SCN2A: variants seen among roughly 807,000 people sequenced by gnomAD.
SCN2A encodes the protein sodium channel protein type 2 subunit alpha.
In SCN2A, 20 loss-of-function variants were observed where a neutral mutation model predicts 188.7. That is an observed-to-expected ratio of 0.11 (90% CI 0.07 to 0.15). The LOEUF (loss-of-function observed/expected upper bound fraction) is 0.15, where lower values mean the gene tolerates loss of function less well. Ranked by LOEUF, SCN2A falls within the 10% of genes least tolerant of loss-of-function variation. The pLI is 1.00. For missense variants in SCN2A, 1,278 were observed against 2,445.0 expected (o/e 0.52, Z 10.07); for synonymous variants, 804 against 833.1 (o/e 0.97, Z 0.60).
chr2:165,276,349 C>CCATA lies in SCN2A; in HGVS notation c.-51-19423_-51-19420dup, dbSNP rs1695343181. Among the ~76,000 whole-genome samples, 3 of 152,108 alleles carry CCATA rather than the reference C, an allele frequency of 2.0e-5. No individual in the cohort carries two copies. The South Asian group carries it at 6.2e-4, about 32-fold the overall frequency. ...AAGAAGGAATTCCAAAGTTATTGGGCCATAGTACTTTTGTGTTAAGTGCCT... is the reference window on the plus strand; with the variant it reads ...AAGAAGGAATTCCAAAGTTATTGGGCCATACATAGTACTTTTGTGTTAAGTGCCT... On this transcript the variant is annotated intron_variant, in intron 1 of 26. Transcript: ENST00000375437.
chr2:165,367,597 A>G (rs1700795131), intron 19 of SCN2A, among the ~76,000 whole-genome samples: 1 of 152,202 alleles, frequency 6.6e-6, no homozygotes, highest in South Asian at 2.1e-4. Flanking sequence ...GGTTTCTTAT[A>G]ATGTTTAAAG....
At position 165,265,940 on chromosome 2, in the gene SCN2A, G is replaced by A. The variant is rs562660211; in HGVS notation, c.-52+26300G>A. ...GAGCTCAAGTGATCCTCCCTGCTCAGCCTCTGAGTAGCTGGGACCATAGGT... is the reference window on the plus strand; with the variant it reads ...GAGCTCAAGTGATCCTCCCTGCTCAACCTCTGAGTAGCTGGGACCATAGGT... On this transcript the variant is annotated intron_variant, in intron 1 of 26. Coordinates refer to ENST00000375437, the MANE Select transcript of SCN2A (RefSeq NM_001040142.2). Among the ~76,000 whole-genome samples the A allele has an allele frequency of 3.3e-5, 5 of 151,628 alleles. No homozygotes were observed. The South Asian group carries it at 1.0e-3, about 32-fold the overall frequency.
chr2:165,275,321 A>C (rs1695286216), intron 1 of SCN2A, among the ~76,000 whole-genome samples: 1 of 151,950 alleles, frequency 6.6e-6, no homozygotes, highest in East Asian at 1.9e-4. Flanking sequence ...CCCTATCTAA[A>C]ATTGCAATAC....
chr2:165,309,870 T>C (rs1449037937), intron 6 of SCN2A, among the ~76,000 whole-genome samples: 4 of 152,162 alleles, frequency 2.6e-5, no homozygotes, highest in Non-Finnish European at 4.4e-5. Flanking sequence ...CTTCCTTTTT[T>C]TAACCCATAC....
Position 165,345,018 on chromosome 2 carries a change from C to G in SCN2A, c.2919+107C>G, listed in dbSNP as rs915578632. On this transcript the variant is annotated intron_variant, in intron 16 of 26. Transcript: ENST00000375437. ...GTATTTTTTAAATCAAGGCCACTTCCTATTGTCTATTACTCATGACTGTAA... is the reference window on the plus strand; with the variant it reads ...GTATTTTTTAAATCAAGGCCACTTCGTATTGTCTATTACTCATGACTGTAA... The G allele has an allele frequency of 3.0e-6, 4 of 1,347,588 alleles. No individual in the cohort carries two copies. In the African/African-American group the frequency reaches 5.8e-5, roughly 20 times the overall value. 83.5% of individuals were successfully genotyped at this position (1,347,588 alleles called of 1,614,324 possible). A position where few individuals can be genotyped will look rare whatever the true frequency, so the allele number is the denominator to read the frequency against.
intron 1 of SCN2A, chr2:165,272,312 A>G (rs1231617067): frequency 1.3e-5 from 2 of 152,114 alleles, no homozygotes; most frequent in Non-Finnish European, 1.5e-5. Context: ...GTAACAAGGC[A>G]TGACAATCTT....
At position 165,306,498 on chromosome 2, in the gene SCN2A, G is replaced by A. The variant is rs371566266; in HGVS notation, c.387-1350G>A. 1.2e-4 allele frequency among the ~76,000 whole-genome samples: 17 copies of A among 139,468 alleles called. No homozygotes were observed. The East Asian group carries it at 1.6e-3, about 13-fold the overall frequency. 91.5% of individuals were successfully genotyped at this position (139,468 alleles called of 152,430 possible). The stretch of plus-strand genomic sequence containing the variant: ...AAGAAAAATTGTGTTTCTTTGAAAT[G>A]GTATTTTGTGTGTGTGTGTGTGTGT... On this transcript the variant is annotated intron_variant, in intron 3 of 26. Transcript: ENST00000375437.
At chr2:165,339,736 CA>C (rs1699206369) in intron 14 of SCN2A, among the ~76,000 whole-genome samples, 1 of 152,098 alleles carries the variant, frequency 6.6e-6, no homozygotes, top group Non-Finnish European at 1.5e-5. Flanking sequence ...TAATTCTACC[CA>C]AATGTATCTA....
chr2:165,311,678 T>C (rs1418136662), intron 7 of SCN2A, among the ~76,000 whole-genome samples: 1 of 152,104 alleles, frequency 6.6e-6, no homozygotes, highest in Non-Finnish European at 1.5e-5. Context: ...AAGGCTTTCT[T>C]CTTTCTTACT....
chr2:165,304,023 T>C (rs6432818), intron 3 of SCN2A, among the ~76,000 whole-genome samples: 121,833 of 151,996 alleles, frequency 0.8, 49,071 homozygotes, highest in Non-Finnish European at 0.84. Flanking sequence ...GCAGCATAAT[T>C]GCATAAGGCT....
intron 16 of SCN2A, among the ~76,000 whole-genome samples, 190 bp from the exon 17 acceptor site, chr2:165,354,002 A>G (rs1246993876): frequency 2.0e-5 from 3 of 152,240 alleles, no homozygotes; most frequent in Non-Finnish European, 4.4e-5. Context: ...AAATAGTGAT[A>G]ATAGTATTAT....
intron 1 of SCN2A, among the ~76,000 whole-genome samples, chr2:165,292,901 T>C (rs1314173081): frequency 6.6e-6 from 1 of 152,236 alleles, no homozygotes. Context: ...CTTAGCCAAG[T>C]GACTGGCACT....
At chr2:165,247,427 A>G (rs1693895581) in intron 1 of SCN2A, among the ~76,000 whole-genome samples, 1 of 152,170 alleles carries the variant, frequency 6.6e-6, no homozygotes, top group African/African-American at 2.4e-5. Context: ...TCAGCTCCTG[A>G]TAGAAATCTG....
At chr2:165,266,559 A>G (rs1196494098) in intron 1 of SCN2A, 1 of 152,114 alleles carries the variant, frequency 6.6e-6, no homozygotes, top group East Asian at 1.9e-4. Flanking sequence ...CTTCTCGATC[A>G]ACATGCAGTC....
At chr2:165,256,274 G>A (rs983057557) in intron 1 of SCN2A, among the ~76,000 whole-genome samples, 3 of 151,850 alleles carry the variant, frequency 2.0e-5, no homozygotes, top group African/African-American at 7.3e-5. Flanking sequence ...CAAAGTGCTG[G>A]GATTACAGGG....
chr2:165,389,640 T>C lies in SCN2A; in HGVS notation c.5834T>C (p.Ile1945Thr), dbSNP rs1353398641. Reference protein sequence around the residue: ...DKGKECDGTPIKEDTLIDKLN... With the variant: ...DKGKECDGTPTKEDTLIDKLN... ...GGCAAAGAATGTGATGGAACACCCA[T>C]CAAAGAAGATACTCTCATTGATAAA... Residue 1945 changes from isoleucine to threonine, a missense_variant, in exon 27 of 27, where the codon ATC becomes ACC. This residue lies in a region of SCN2A where 109 missense variants were observed against 137.9 expected (regional missense o/e 0.79). Transcript: ENST00000375437. The surrounding 1 kb of genome is among the most constrained non-coding windows in gnomAD (Gnocchi z 4.2). The C allele has an allele frequency of 3.1e-6, 5 of 1,613,884 alleles. No homozygotes were observed. The highest frequency in any genetic ancestry group is 3.4e-6 in the Non-Finnish European group (4 of 1,179,934).
intron 1 of SCN2A, among the ~76,000 whole-genome samples, chr2:165,276,003 G>A (rs1695325305): frequency 1.3e-5 from 2 of 152,150 alleles, no homozygotes; most frequent in Non-Finnish European, 1.5e-5. Context: ...AAAGTGCTGG[G>A]ATGGCAGGCA....
At chr2:165,260,462 T>C (rs1427030609) in intron 1 of SCN2A, among the ~76,000 whole-genome samples, 9 of 152,210 alleles carry the variant, frequency 5.9e-5, no homozygotes, top group African/African-American at 1.9e-4. Context: ...TGTAAACAGA[T>C]GTGCTGTCAT....
At chr2:165,370,459 C>T in intron 20 of SCN2A, 160 bp downstream of exon 20, 1 of 732,336 alleles carries the variant, frequency 1.4e-6, no homozygotes, top group Non-Finnish European at 2.4e-6. Flanking sequence ...ACATTTTTTA[C>T]CAATTTAAAT....
Sources: gnomAD v4.1 joint callset for allele counts (sites outside exome capture counted in the v4.1 genomes callset) on GRCh38, gnomAD v4.1.1 for gene constraint, gnomAD v4.1.1 regional missense constraint, Gnocchi (gnomAD v3.1) non-coding constraint, MANE v1.5 for transcripts, NCBI Gene and HGNC (gene_info 2026-07-23, HGNC 2026-07-21) for gene names.